TTC7A: variants seen among roughly 807,000 people sequenced by gnomAD.
TTC7A encodes the protein tetratricopeptide repeat domain 7A.
A neutral mutation model predicts 103.7 loss-of-function variants in TTC7A; 110 were observed. The ratio of observed to expected loss-of-function variants is 1.06; its 90% CI spans 0.91 to 1.24. TTC7A has a LOEUF of 1.24. TTC7A is among the 50% of genes most tolerant of loss of function. TTC7A has a pLI of 0.00. For missense variants in TTC7A, 1,340 were observed against 1,116.3 expected (o/e 1.20, Z -2.86); for synonymous variants, 521 against 467.9 (o/e 1.11, Z -1.47).
chr2:47,074,027 A>AAAT lies in TTC7A; in HGVS notation c.*106_*108dup. The AAAT allele has an allele frequency of 1.2e-6, 1 of 853,700 alleles. No individual in the cohort carries two copies. Among genetic ancestry groups the AAAT allele is most frequent in the East Asian group, 2.7e-5 (1 of 37,452 alleles). 52.9% of individuals were successfully genotyped at this position (853,700 alleles called of 1,614,324 possible). ...TGGCATCAGGTGCGGGGCCTCAGGG[A>AAAT]AATACATCTTTAGTGAACGCCTCTG... On this transcript the variant is annotated 3_prime_UTR_variant, in exon 20 of 20. Transcript: ENST00000319190.
At chr2:47,050,100 C>T (rs1682726638) in intron 17 of TTC7A, 54 bp downstream of exon 17, 1 of 1,435,206 alleles carries the variant, frequency 7.0e-7, no homozygotes, top group Middle Eastern at 1.7e-4. Flanking sequence ...CTCACACTCC[C>T]AGCTTGAGAG....
chr2:47,052,263 C>G (rs74628485), intron 18 of TTC7A, among the ~76,000 whole-genome samples: 2 of 152,190 alleles, frequency 1.3e-5, no homozygotes, highest in African/African-American at 4.8e-5. Context: ...AGACTGGTAA[C>G]TTTGAGGTTG....
chr2:47,022,168 C>T (rs1472437069), intron 12 of TTC7A, among the ~76,000 whole-genome samples, 189 bp downstream of exon 12: 1 of 152,222 alleles, frequency 6.6e-6, no homozygotes, highest in Non-Finnish European at 1.5e-5. Context: ...CCCCTCAGAC[C>T]CATTTCCACT....
chr2:46,954,751 T>A (rs1014254323), intron 2 of TTC7A, among the ~76,000 whole-genome samples: 1 of 152,072 alleles, frequency 6.6e-6, no homozygotes, highest in Non-Finnish European at 1.5e-5. Flanking sequence ...TTTGTATTTT[T>A]AGTAGAGACG....
intron 1 of TTC7A, among the ~76,000 whole-genome samples, chr2:46,949,762 A>T (rs553390903): frequency 7.2e-5 from 11 of 152,262 alleles, no homozygotes; most frequent in Admixed American, 6.5e-4. Context: ...ATGGTGGCTG[A>T]TGCCTGTAAT....
intron 18 of TTC7A, among the ~76,000 whole-genome samples, chr2:47,058,032 C>T (rs1410343045): frequency 1.3e-5 from 2 of 152,192 alleles, no homozygotes; most frequent in Non-Finnish European, 1.5e-5. Flanking sequence ...GTTATGAGGG[C>T]AGCCTGTTCA....
At chr2:47,049,227 T>C (rs1373067220) in intron 16 of TTC7A, among the ~76,000 whole-genome samples, 1 of 152,144 alleles carries the variant, frequency 6.6e-6, no homozygotes, top group East Asian at 1.9e-4. Context: ...GGTTGTGGGC[T>C]TCCTCGGCAG....
chr2:46,993,289 A>G (rs890912430), intron 5 of TTC7A, among the ~76,000 whole-genome samples, 161 bp from the exon 6 acceptor site: 2 of 150,754 alleles, frequency 1.3e-5, no homozygotes, highest in South Asian at 4.2e-4. Flanking sequence ...CTGGGCCTCT[A>G]AAGTCCTGGT....
intron 15 of TTC7A, among the ~76,000 whole-genome samples, chr2:47,032,284 C>A (rs929933163): frequency 1.3e-5 from 2 of 152,154 alleles, no homozygotes; most frequent in Non-Finnish European, 2.9e-5. Context: ...TCAAAGGGAG[C>A]CCGACCTCAA....
In TTC7A at chr2:46,934,787, C is replaced by CTTT. The variant is rs1161003607; in HGVS notation, c.83-15546_83-15544dup. ...GGAATAAGGTATGAAGACTACTGCT[C>CTTT]TTTTTTTTTTTTTTTTTTTTTTTTT... On this transcript the variant is annotated intron_variant, in intron 2 of 20. Transcript: ENST00000409245. Among the ~76,000 whole-genome samples, 161 of 66,906 alleles carry CTTT rather than the reference C, an allele frequency of 2.4e-3. 17 individuals are homozygous for CTTT. The highest frequency in any genetic ancestry group is 6.6e-3 in the East Asian group (14 of 2,112). 43.9% of individuals were successfully genotyped at this position (66,906 alleles called of 152,430 possible).
At chr2:46,939,511 TG>T (rs1194653959), upstream of TTC7A, among the ~76,000 whole-genome samples, 1 of 152,316 alleles carries the variant, frequency 6.6e-6, no homozygotes, top group East Asian at 1.9e-4. Flanking sequence ...ACATGAGTAT[TG>T]GTGACCCCCT....
chr2:46,984,423 T>C (rs1419043620), intron 5 of TTC7A, among the ~76,000 whole-genome samples: 1 of 152,162 alleles, frequency 6.6e-6, no homozygotes, highest in East Asian at 1.9e-4. Flanking sequence ...GTTGGCTTTC[T>C]CCCCTCTAAG....
intron 11 of TTC7A, among the ~76,000 whole-genome samples, chr2:47,014,576 T>C (rs1678436860): frequency 6.6e-6 from 1 of 152,228 alleles, no homozygotes; most frequent in East Asian, 1.9e-4. Flanking sequence ...TCTCTGTTCC[T>C]GAGGCTCACA....
chr2:46,990,523 A>C (rs1175173067), intron 5 of TTC7A, among the ~76,000 whole-genome samples: 1 of 152,160 alleles, frequency 6.6e-6, no homozygotes, highest in Non-Finnish European at 1.5e-5. Context: ...AAACTTCCAA[A>C]CTTTAACATA....
chr2:47,066,507 T>C (rs1387672999), intron 19 of TTC7A, among the ~76,000 whole-genome samples: 3 of 147,960 alleles, frequency 2.0e-5, no homozygotes, highest in Non-Finnish European at 3.0e-5. Flanking sequence ...ATGAACTCTC[T>C]GGCCACACAG....
At chr2:46,999,762 A>G in intron 8 of TTC7A, 1 of 985,464 alleles carries the variant, frequency 1.0e-6, no homozygotes, top group Non-Finnish European at 1.2e-6. Flanking sequence ...TGAAATACTG[A>G]TCTGGGGCAT....
At chr2:46,942,981 C>T (rs966118507) in intron 1 of TTC7A, among the ~76,000 whole-genome samples, 1 of 152,162 alleles carries the variant, frequency 6.6e-6, no homozygotes, top group African/African-American at 2.4e-5. Context: ...TCTCAGCTCA[C>T]TGCAGCCTCA....
In TTC7A at chr2:47,009,875, A is replaced by AGT. The variant is rs752264208; in HGVS notation, c.1288-1445_1288-1444dup. On this transcript the variant is annotated intron_variant, in intron 10 of 19. Transcript: ENST00000319190. ...TTAGAAAAGGTTCCAGCCCAGAAAG[A>AGT]GTGTGTGTGTGTTTTTTTTTTTTTT... Among the ~76,000 whole-genome samples, 86 of 102,860 alleles carry AGT rather than the reference A, an allele frequency of 8.4e-4. 2 individuals carry two copies. The highest frequency in any genetic ancestry group is 1.1e-3 in the Non-Finnish European group (60 of 53,274). The allele number at this position is 102,860 out of a possible 152,430, so 67.5% of individuals were successfully genotyped here.
chr2:47,067,608 G>C (rs1009940304), intron 19 of TTC7A, among the ~76,000 whole-genome samples: 4 of 152,204 alleles, frequency 2.6e-5, no homozygotes, highest in African/African-American at 7.2e-5. Flanking sequence ...CTGCAGGTTG[G>C]AGCAGGGCCT....
Sources: gnomAD v4.1 joint callset for allele counts (sites outside exome capture counted in the v4.1 genomes callset) on GRCh38, gnomAD v4.1.1 for gene constraint, MANE v1.5 for transcripts, NCBI Gene and HGNC (gene_info 2026-07-23, HGNC 2026-07-21) for gene names.